BECN1: variants seen among roughly 807,000 people sequenced by gnomAD.
The protein encoded by BECN1 is beclin 1.
Under a neutral mutation model 60.1 loss-of-function variants are expected in BECN1, and 15 were observed. The ratio of observed to expected loss-of-function variants is 0.25; its 90% CI spans 0.17 to 0.38. The LOEUF is 0.38. Ranked by LOEUF, BECN1 falls within the 10% of genes least tolerant of loss-of-function variation. The probability of loss-of-function intolerance (pLI) is 1.00; values close to 1 mark genes in which losing one functional copy is unlikely to be tolerated. For synonymous variants in BECN1, 179 were observed against 201.8 expected, an observed-to-expected ratio of 0.89 and a Z score of 0.96; for missense variants, 424 against 548.2, an observed-to-expected ratio of 0.77 and a Z score of 2.26.
At position 42,810,260 on chromosome 17, in the gene BECN1, A is replaced by G. The variant is rs1435823306; in HGVS notation, c.*500T>C. ...GAGTCGGCATTCAGTATAAGAACCA[A>G]GTGAAAAGTGTTAAATTTCAAGCAT... On this transcript the variant is annotated 3_prime_UTR_variant, in exon 12 of 12. Coordinates refer to ENST00000590099, the MANE Select transcript of BECN1 (RefSeq NM_001313998.2). 1 of 153,114 alleles carries G rather than the reference A, an allele frequency of 6.5e-6. No homozygotes were observed. Among genetic ancestry groups the G allele is most frequent in the Non-Finnish European group, 1.5e-5 (1 of 68,294 alleles). The allele number at this position is 153,114 out of a possible 1,614,324, so 9.5% of individuals were successfully genotyped here. A position where few individuals can be genotyped will look rare whatever the true frequency, so the allele number is the denominator to read the frequency against.
Position 42,814,509 on chromosome 17 carries a change from G to A in BECN1, c.980+15C>T, listed in dbSNP as rs1217730256. 2 of 1,613,954 alleles carry A rather than the reference G, an allele frequency of 1.2e-6. No individual in the cohort carries two copies. Among genetic ancestry groups the A allele is most frequent in the Non-Finnish European group, 1.7e-6 (2 of 1,179,996 alleles). On this transcript the variant is annotated intron_variant, in intron 9 of 11. Transcript: ENST00000590099. ...CAATGCACATCACTCCCCAAGAAAG[G>A]GCTACACTTCCTACCTCTGAAATTT...
rs756720814 is a variant in BECN1 at position 42,810,738 on chromosome 17, A to C, written c.*22T>G. The C allele has an allele frequency of 1.9e-6, 3 of 1,580,536 alleles. No homozygotes were observed. The highest frequency in any genetic ancestry group is 1.9e-5 in the Admixed American group (1 of 53,396). On this transcript the variant is annotated 3_prime_UTR_variant, in exon 12 of 12. Transcript: ENST00000590099. ...AACAAAATTAAAAGCCTTTAAGGCA[A>C]ACCTCCCCCTAAGGAAAAAAGTCAT... is the stretch of plus-strand genomic sequence containing the variant.
At chr17:42,823,455 TG>T (rs1171247736) in intron 2 of BECN1, among the ~76,000 whole-genome samples, 1 of 152,134 alleles carries the variant, frequency 6.6e-6, no homozygotes, top group Non-Finnish European at 1.5e-5. Flanking sequence ...GGTTTCGCCA[TG>T]TTGGCCAGGC....
chr17:42,813,056 G>T (rs1191728635), intron 10 of BECN1, among the ~76,000 whole-genome samples: 1 of 147,526 alleles, frequency 6.8e-6, no homozygotes, highest in Non-Finnish European at 1.5e-5. Flanking sequence ...GTGTTAGCCA[G>T]GATGGTCTCA....
intron 2 of BECN1, among the ~76,000 whole-genome samples, chr17:42,823,046 C>A (rs549093349): frequency 1.7e-3 from 263 of 152,222 alleles, no homozygotes; most frequent in African/African-American, 6.0e-3. Context: ...GTCACTTAAC[C>A]TCTCTGTGCC....
At chr17:42,813,339 A>G (rs998670917) in intron 10 of BECN1, among the ~76,000 whole-genome samples, 2 of 151,840 alleles carry the variant, frequency 1.3e-5, no homozygotes, top group Admixed American at 6.6e-5. Flanking sequence ...GTTCGAGACC[A>G]GCCTGGTCCA....
At chr17:42,819,993 A>C (rs887473818) in intron 3 of BECN1, among the ~76,000 whole-genome samples, 1 of 152,174 alleles carries the variant, frequency 6.6e-6, no homozygotes, top group African/African-American at 2.4e-5. Flanking sequence ...CAAAGTAGAA[A>C]ATTTATATGT....
rs943559864 is a variant in BECN1 at position 42,817,313 on chromosome 17, A to G, written c.683+908T>C. 4.6e-5 allele frequency among the ~76,000 whole-genome samples: 7 copies of G among 152,160 alleles called. 2 individuals carry two copies. Among genetic ancestry groups the G allele is most frequent in the Middle Eastern group, 6.8e-3 (2 of 294 alleles). ...CTGTTTCTAAAAAAAAAAAAAACAA[A>G]AAAACAGTGGCTTCTTCCATGAACT... On this transcript the variant is annotated intron_variant, in intron 7 of 11. Coordinates refer to ENST00000590099, the MANE Select transcript of BECN1 (RefSeq NM_001313998.2).
rs966947960 is a variant in BECN1, at chr17:42,810,698, CAT to C, written c.*60_*61del. On this transcript the variant is annotated 3_prime_UTR_variant, in exon 12 of 12. Coordinates refer to ENST00000590099, the MANE Select transcript of BECN1 (RefSeq NM_001313998.2). ...AATATTACCCGAATTTAATTTAAAACATGTTTGCAAACAAAACAAAATTAAAA... is the reference window on the plus strand; with the variant it reads ...AATATTACCCGAATTTAATTTAAAACGTTTGCAAACAAAACAAAATTAAAA... 5.4e-6 allele frequency: 8 copies of C among 1,487,592 alleles called. No homozygotes were observed. Among genetic ancestry groups the C allele is most frequent in the Non-Finnish European group, 7.2e-6 (8 of 1,105,162 alleles). The allele number at this position is 1,487,592 out of a possible 1,614,324, so 92.1% of individuals were successfully genotyped here.
In BECN1 at chr17:42,820,748, G is replaced by A. The variant is rs112799430; in HGVS notation, c.198+26C>T. 59 of 1,547,336 alleles carry A rather than the reference G, an allele frequency of 3.8e-5. 3 individuals carry two copies. The highest frequency in any genetic ancestry group is 3.1e-4 in the African/African-American group (23 of 73,728). On this transcript the variant is annotated intron_variant, in intron 3 of 11. Coordinates refer to ENST00000590099, the MANE Select transcript of BECN1 (RefSeq NM_001313998.2). Reference sequence around the variant, plus strand: ...TTTGGAATGTTTACTACATGAGGAGGATAGGGGAGAGGGCACTTCTATTAC... The same window carrying A: ...TTTGGAATGTTTACTACATGAGGAGAATAGGGGAGAGGGCACTTCTATTAC...
chr17:42,811,299 A>C (rs1464817004), intron 11 of BECN1: 1 of 278,698 alleles, frequency 3.6e-6, no homozygotes, highest in Non-Finnish European at 6.6e-6. Flanking sequence ...TACTCTAAGT[A>C]AAAACTAGAG....
At chr17:42,818,752 G>T in intron 5 of BECN1, 35 bp downstream of exon 5, 2 of 1,613,928 alleles carry the variant, frequency 1.2e-6, no homozygotes, top group Non-Finnish European at 1.7e-6. Flanking sequence ...TCCCAGCCAG[G>T]CCTACTGCTT....
At position 42,824,282 on chromosome 17, in the gene BECN1, G is replaced by A. The variant is rs1164326904; in HGVS notation, c.-130C>T. 6 of 399,734 alleles carry A rather than the reference G, an allele frequency of 1.5e-5. No homozygotes were observed. In the Middle Eastern group the frequency reaches 1.9e-3, roughly 126 times the overall value. The allele number at this position is 399,734 out of a possible 1,614,324, so 24.8% of individuals were successfully genotyped here. A position where few individuals can be genotyped will look rare whatever the true frequency, so the allele number is the denominator to read the frequency against. ...CTTCAGCGACTTCCCGGTAGCCGCC[G>A]GAAAACTTCCGCCCGAGACCGGACG... On this transcript the variant is annotated 5_prime_UTR_variant, in exon 1 of 12. Coordinates refer to ENST00000590099, the MANE Select transcript of BECN1 (RefSeq NM_001313998.2).
At position 42,818,629 on chromosome 17, in the gene BECN1, G is replaced by A; in HGVS notation, c.403C>T (p.Pro135Ser). 1 of 1,614,142 alleles carries A rather than the reference G, an allele frequency of 6.2e-7. No individual in the cohort carries two copies. Among genetic ancestry groups the A allele is most frequent in the Non-Finnish European group, 8.5e-7 (1 of 1,180,036 alleles). ...IMSGQTDVDH[P>S]LCEECTDTLL... ...GTATCTGTGCATTCCTCACAGAGTG[G>A]GTGATCCACATCTGTCTGGCCCGAC... is the stretch of plus-strand genomic sequence containing the variant. The change falls in exon 6 of 12, where the codon CCA becomes TCA. Residue 135 changes from proline (P) to serine (S), a missense_variant. Physicochemically the swap from Pro to Ser is moderately conservative, Grantham distance 74. Transcript: ENST00000590099.
intron 11 of BECN1, 139 bp downstream of exon 11, chr17:42,811,516 T>C: frequency 9.0e-7 from 1 of 1,106,728 alleles, no homozygotes; most frequent in Non-Finnish European, 1.3e-6. Flanking sequence ...GGTCAGTCTC[T>C]GCCCATCAAT....
rs1240788129 is a variant in BECN1 at position 42,818,636 on chromosome 17, C to G, written c.396G>C (p.Val132=). 1 of 1,614,018 alleles carries G rather than the reference C, an allele frequency of 6.2e-7. No homozygotes were observed. The highest frequency in any genetic ancestry group is 8.5e-7 in the Non-Finnish European group (1 of 1,180,040). The change falls in exon 6 of 12, where the codon GTG becomes GTC. Residue 132 remains valine, a synonymous_variant. Transcript: ENST00000590099. The stretch of plus-strand genomic sequence containing the variant: ...TGCATTCCTCACAGAGTGGGTGATC[C>G]ACATCTGTCTGGCCCGACATGATGT... ...LFDIMSGQTD[V]DHPLCEECTD...
chr17:42,811,673 C>G lies in BECN1; in HGVS notation c.1166G>C (p.Arg389Pro). Residue 389 changes from arginine (R) to proline (P), a missense_variant, in exon 11 of 12, where the codon CGT (arginine) becomes CCT (proline). By Grantham distance (103) the Arg-to-Pro change is moderately radical (BLOSUM62 -2). This residue lies in a region of BECN1 where 326 missense variants were observed against 406.2 expected (regional missense o/e 0.80). Transcript: ENST00000590099. The stretch of plus-strand genomic sequence containing the variant: ...TACTGACCTGTAGGGAAGACAAAAA[C>G]GTGTCTCGCCTTTCTCAACCTCTTC... ...FKEEVEKGET[R>P]FCLPYRMDVE... The G allele has an allele frequency of 6.2e-7, 1 of 1,614,030 alleles. No homozygotes were observed. Among genetic ancestry groups the G allele is most frequent in the African/African-American group, 1.3e-5 (1 of 75,024 alleles).
At chr17:42,814,432 A>G in intron 9 of BECN1, 92 bp downstream of exon 9, 1 of 1,539,460 alleles carries the variant, frequency 6.5e-7, no homozygotes, top group Non-Finnish European at 8.8e-7. Context: ...GTGGGCAGCA[A>G]GGGCTCCTGA....
rs1340354386 is a variant in BECN1 at position 42,816,041 on chromosome 17, A to T, written c.697T>A (p.Tyr233Asn). ...DQEEAQYQRE[Y>N]SEFKRQQLEL... ...AGCTGCTGTCGTTTAAATTCACTGT[A>T]TTCTCTCTGATACCTGTGAGCAGCC... The change falls in exon 8 of 12, where the codon TAC (tyrosine) becomes AAC (asparagine). Residue 233 changes from tyrosine (Y) to asparagine (N), a missense_variant. Transcript: ENST00000590099. 6.3e-7 allele frequency: 1 copy of T among 1,595,362 alleles called. No homozygotes were observed. Among genetic ancestry groups the T allele is most frequent in the Non-Finnish European group, 8.5e-7 (1 of 1,170,762 alleles).
Sources: gnomAD v4.1 joint callset for allele counts (sites outside exome capture counted in the v4.1 genomes callset) on GRCh38, gnomAD v4.1.1 for gene constraint, gnomAD v4.1.1 regional missense constraint, MANE v1.5 for transcripts, NCBI Gene and HGNC (gene_info 2026-07-23, HGNC 2026-07-21) for gene names.